ARB2A: variants seen among roughly 807,000 people sequenced by gnomAD.
The protein encoded by ARB2A is ARB2 cotranscriptional regulator A, also known as cotranscriptional regulator ARB2A.
chr5:93,628,773 G>T, the ARB2A span, among the ~76,000 whole-genome samples: 6 of 152,322 alleles, frequency 3.9e-5, no homozygotes, highest in South Asian at 1.2e-3. Flanking sequence ...CAGAATTGAA[G>T]AAAGTTAGGG....
chr5:93,699,369 C>T, the ARB2A span, among the ~76,000 whole-genome samples: 1 of 152,162 alleles, frequency 6.6e-6, no homozygotes, highest in Non-Finnish European at 1.5e-5. Flanking sequence ...TTTTTATCAG[C>T]ATGACCTAGA....
At chr5:93,661,393 T>G in the ARB2A span, among the ~76,000 whole-genome samples, 3 of 152,284 alleles carry the variant, frequency 2.0e-5, no homozygotes, top group East Asian at 5.8e-4. Context: ...TGCTCACCAA[T>G]CACTCCTTTT....
the ARB2A span, among the ~76,000 whole-genome samples, chr5:93,678,854 G>A: frequency 3.9e-5 from 6 of 152,040 alleles, no homozygotes; most frequent in Non-Finnish European, 7.4e-5. Flanking sequence ...TTACCAACAG[G>A]GACTTCAAAG....
the ARB2A span, among the ~76,000 whole-genome samples, chr5:94,061,452 T>C: frequency 6.6e-6 from 1 of 152,306 alleles, no homozygotes. Flanking sequence ...CTGAAAGTCC[T>C]AGTCAACACA....
At chr5:93,757,630 A>G in the ARB2A span, among the ~76,000 whole-genome samples, 1 of 152,220 alleles carries the variant, frequency 6.6e-6, no homozygotes, top group African/African-American at 2.4e-5. Flanking sequence ...CAGTGAAACT[A>G]AGCATCACAT....
At chr5:93,791,580 G>T in the ARB2A span, among the ~76,000 whole-genome samples, 1 of 152,180 alleles carries the variant, frequency 6.6e-6, no homozygotes, top group Admixed American at 6.5e-5. Flanking sequence ...AGGTAAACAT[G>T]GCCAGCTGGA....
chr5:94,041,488 T>G, the ARB2A span, among the ~76,000 whole-genome samples: 1 of 152,158 alleles, frequency 6.6e-6, no homozygotes, highest in African/African-American at 2.4e-5. Context: ...GTGTGTGTGA[T>G]GTTTATATAT....
At chr5:93,921,678 T>G in the ARB2A span, among the ~76,000 whole-genome samples, 2 of 152,198 alleles carry the variant, frequency 1.3e-5, no homozygotes, top group African/African-American at 4.8e-5. Context: ...CTAACTCTAC[T>G]GTTTTGTGCA....
the ARB2A span, among the ~76,000 whole-genome samples, chr5:93,812,181 T>G: frequency 6.6e-6 from 1 of 152,092 alleles, no homozygotes; most frequent in East Asian, 1.9e-4. Flanking sequence ...ATGTTTAATA[T>G]TTGGATAGAT....
chr5:94,048,106 G>A, the ARB2A span, among the ~76,000 whole-genome samples: 4 of 136,986 alleles, frequency 2.9e-5, no homozygotes, highest in African/African-American at 8.2e-5. Flanking sequence ...CCAGGTTGGA[G>A]TGCAGTGGCA....
chr5:94,038,205 C>G, the ARB2A span, among the ~76,000 whole-genome samples: 7 of 152,116 alleles, frequency 4.6e-5, no homozygotes, highest in South Asian at 1.2e-3. Flanking sequence ...AAAGAGAAAA[C>G]TGATAAAATT....
chr5:93,897,326 A>G, the ARB2A span, among the ~76,000 whole-genome samples: 15 of 151,988 alleles, frequency 9.9e-5, no homozygotes, highest in Admixed American at 8.5e-4. Flanking sequence ...CTATTTATAG[A>G]TAAGGGGTGG....
At chr5:94,020,424 T>C in the ARB2A span, among the ~76,000 whole-genome samples, 20 of 151,832 alleles carry the variant, frequency 1.3e-4, no homozygotes, top group Admixed American at 1.3e-3. Flanking sequence ...TAAAGTATAA[T>C]AATAATAAAA....
At chr5:93,962,319 G>C in the ARB2A span, among the ~76,000 whole-genome samples, 2 of 152,112 alleles carry the variant, frequency 1.3e-5, no homozygotes, top group Non-Finnish European at 2.9e-5. Flanking sequence ...AATTTGTAGT[G>C]AAGTTGTTAA....
chr5:93,949,421 C>T, the ARB2A span, among the ~76,000 whole-genome samples: 7 of 151,772 alleles, frequency 4.6e-5, no homozygotes, highest in Admixed American at 2.0e-4. Context: ...ATTAGCTGGG[C>T]GTGGTGGCAC....
chr5:93,808,129 C>T, the ARB2A span, among the ~76,000 whole-genome samples: 7 of 151,940 alleles, frequency 4.6e-5, no homozygotes, highest in African/African-American at 9.7e-5. Flanking sequence ...ACGGCTATAT[C>T]GGCTTCAGAC....
At chr5:93,837,326 G>A in the ARB2A span, among the ~76,000 whole-genome samples, 6 of 152,002 alleles carry the variant, frequency 3.9e-5, no homozygotes, top group Admixed American at 1.3e-4. Flanking sequence ...AGTATTCCAC[G>A]GTGTATATGT....
At chr5:93,693,680 AG>A in the ARB2A span, among the ~76,000 whole-genome samples, 1 of 152,212 alleles carries the variant, frequency 6.6e-6, no homozygotes, top group Non-Finnish European at 1.5e-5. Context: ...CAGTAGAAAA[AG>A]AGGGAATCCT....
At chr5:93,851,618 A>G in the ARB2A span, among the ~76,000 whole-genome samples, 1 of 152,034 alleles carries the variant, frequency 6.6e-6, no homozygotes, top group African/African-American at 2.4e-5. Context: ...GCCACCCCAC[A>G]ACAGTGCCCA....
Sources: gnomAD v4.1 joint callset for allele counts (sites outside exome capture counted in the v4.1 genomes callset) on GRCh38, gnomAD v4.1.1 for gene constraint, MANE v1.5 for transcripts, NCBI Gene and HGNC (gene_info 2026-07-23, HGNC 2026-07-21) for gene names.